The following SPATS2 variants were observed in gnomAD, a reference collection of about 807,000 sequenced individuals.
The protein encoded by SPATS2 is spermatogenesis associated serine rich 2.
A neutral mutation model predicts 63.7 loss-of-function variants in SPATS2; 38 were observed. The observed-to-expected ratio is 0.60, with a 90% CI of 0.46 to 0.78. The LOEUF is 0.78. SPATS2 is among the 30% of genes least tolerant of loss of function. The probability of loss-of-function intolerance (pLI) is 0.00; values close to 1 mark genes in which losing one functional copy is unlikely to be tolerated. For synonymous variants in SPATS2, 207 were observed against 232.9 expected, an observed-to-expected ratio of 0.89 and a Z score of 1.01; for missense variants, 588 against 666.2, an observed-to-expected ratio of 0.88 and a Z score of 1.29.
At chr12:49,463,744 A>C (rs1945862286) in intron 3 of SPATS2, 1 of 152,198 alleles carries the variant, frequency 6.6e-6, no homozygotes, top group Non-Finnish European at 1.5e-5. Flanking sequence ...CATTGTTCTT[A>C]GTGGTATTTC....
chr12:49,435,168 C>G (rs939736127), intron 2 of SPATS2, among the ~76,000 whole-genome samples: 5 of 151,284 alleles, frequency 3.3e-5, no homozygotes, highest in Non-Finnish European at 7.4e-5. Context: ...GTAGCTGGGA[C>G]TACAGGCGCC....
intron 2 of SPATS2, among the ~76,000 whole-genome samples, chr12:49,410,760 C>G (rs11169002): frequency 6.6e-6 from 1 of 151,920 alleles, no homozygotes; most frequent in South Asian, 2.1e-4. Flanking sequence ...ACACCCATAT[C>G]TCTTTGATGT....
intron 2 of SPATS2, among the ~76,000 whole-genome samples, chr12:49,451,313 T>A (rs1014423525): frequency 6.6e-6 from 1 of 152,200 alleles, no homozygotes; most frequent in Non-Finnish European, 1.5e-5. Context: ...TTTTCAGTTG[T>A]TTTCTTAGTA....
chr12:49,451,873 G>A (rs150133089), intron 2 of SPATS2, among the ~76,000 whole-genome samples: 64 of 152,302 alleles, frequency 4.2e-4, no homozygotes, highest in African/African-American at 1.5e-3. Context: ...AGATAGCTTT[G>A]CTAGATATCA....
intron 2 of SPATS2, among the ~76,000 whole-genome samples, chr12:49,421,158 G>A (rs1277480904): frequency 2.6e-5 from 4 of 152,064 alleles, no homozygotes; most frequent in Non-Finnish European, 5.9e-5. Flanking sequence ...GGTGGCTAAC[G>A]CCTATAATCC....
intron 2 of SPATS2, among the ~76,000 whole-genome samples, chr12:49,410,285 A>G (rs1341494616): frequency 7.9e-5 from 12 of 152,088 alleles, no homozygotes; most frequent in Admixed American, 7.2e-4. Flanking sequence ...CATGTTGGCC[A>G]TGCTGGTCTC....
intron 9 of SPATS2, among the ~76,000 whole-genome samples, chr12:49,514,187 A>ATG (rs1946801678): frequency 6.6e-6 from 1 of 151,764 alleles, no homozygotes; most frequent in Non-Finnish European, 1.5e-5. Flanking sequence ...GAGTACATAC[A>ATG]TGGTTAAGTA....
rs117294970 is a variant in SPATS2, at chr12:49,418,864, G to C, written c.-243-41906G>C. ...GAGAAGAATCAGAAAACAAAGTTTTGAAATGAGTTACATTATAGGAAGGCA... is the reference window on the plus strand; with the variant it reads ...GAGAAGAATCAGAAAACAAAGTTTTCAAATGAGTTACATTATAGGAAGGCA... On this transcript the variant is annotated intron_variant, in intron 2 of 13. Coordinates refer to ENST00000552918, the MANE Select transcript of SPATS2 (RefSeq NM_023071.4). 9.6e-4 allele frequency among the ~76,000 whole-genome samples: 146 copies of C among 152,318 alleles called. 1 individual carries two copies. In the East Asian group the frequency reaches 0.016, roughly 16 times the overall value.
intron 2 of SPATS2, among the ~76,000 whole-genome samples, chr12:49,398,768 A>G (rs192829399): frequency 2.4e-3 from 369 of 152,276 alleles, no homozygotes; most frequent in African/African-American, 8.5e-3. Flanking sequence ...ACCAACCCCC[A>G]TGTTTTCCAG....
At chr12:49,509,833 GA>G (rs990291211) in intron 9 of SPATS2, among the ~76,000 whole-genome samples, 57 of 150,668 alleles carry the variant, frequency 3.8e-4, no homozygotes, top group African/African-American at 1.3e-3. Flanking sequence ...AAAAGGGAAG[GA>G]AAAAAACTAT....
intron 2 of SPATS2, among the ~76,000 whole-genome samples, chr12:49,379,692 C>T (rs796903761): frequency 6.8e-5 from 10 of 147,076 alleles, no homozygotes; most frequent in South Asian, 2.2e-4. Context: ...GCATGATCTC[C>T]GCTCACTGCA....
rs1368403951 is a variant in SPATS2, at chr12:49,516,155, AAAAAAAAAAAAATATAT to A, written c.898+1544_898+1560del. 5.7e-4 allele frequency among the ~76,000 whole-genome samples: 26 copies of A among 45,878 alleles called. 2 individuals are homozygous for A. In the South Asian group the frequency reaches 7.4e-3, roughly 13 times the overall value. The allele number at this position is 45,878 out of a possible 152,430, so 30.1% of individuals were successfully genotyped here. The stretch of plus-strand genomic sequence containing the variant: ...CTCCATCTCAAAAAAAAAAAAAAAA[AAAAAAAAAAAAATATAT>A]ATATATATATATATATATATATATA... On this transcript the variant is annotated intron_variant, in intron 10 of 13. Coordinates refer to ENST00000552918, the MANE Select transcript of SPATS2 (RefSeq NM_023071.4).
At chr12:49,399,101 C>T (rs532038141) in intron 2 of SPATS2, among the ~76,000 whole-genome samples, 1 of 152,216 alleles carries the variant, frequency 6.6e-6, no homozygotes, top group South Asian at 2.1e-4. Context: ...CCCCCATGTC[C>T]ACATACGTTT....
chr12:49,435,472 C>T (rs1945259937), intron 2 of SPATS2, among the ~76,000 whole-genome samples: 1 of 151,710 alleles, frequency 6.6e-6, no homozygotes, highest in South Asian at 2.1e-4. Flanking sequence ...ACTACATGCA[C>T]ACGCCAGTGC....
At chr12:49,383,582 T>C (rs900773923) in intron 2 of SPATS2, among the ~76,000 whole-genome samples, 2 of 151,672 alleles carry the variant, frequency 1.3e-5, no homozygotes, top group Non-Finnish European at 2.9e-5. Flanking sequence ...TAAATTTTTT[T>C]GTAAAGTCGA....
intron 2 of SPATS2, among the ~76,000 whole-genome samples, chr12:49,383,402 G>C (rs539754008): frequency 6.6e-6 from 1 of 151,512 alleles, no homozygotes; most frequent in South Asian, 2.1e-4. Flanking sequence ...TTTTATGTCA[G>C]ATCCTCTTTA....
At chr12:49,500,719 C>T (rs1946551795) in intron 9 of SPATS2, among the ~76,000 whole-genome samples, 1 of 151,770 alleles carries the variant, frequency 6.6e-6, no homozygotes, top group African/African-American at 2.4e-5. Context: ...TTGCAGTGAG[C>T]CAAGATCTCG....
chr12:49,434,986 A>G (rs886233455), intron 2 of SPATS2, among the ~76,000 whole-genome samples: 5 of 146,810 alleles, frequency 3.4e-5, no homozygotes, highest in Non-Finnish European at 7.5e-5. Flanking sequence ...TATTACATAC[A>G]TTTGTTCCCA....
At chr12:49,394,743 GT>G (rs958295370) in intron 2 of SPATS2, among the ~76,000 whole-genome samples, 8 of 152,032 alleles carry the variant, frequency 5.3e-5, no homozygotes, top group African/African-American at 1.7e-4. Flanking sequence ...TTATCAGATA[GT>G]TTTTTCACAG....
Sources: gnomAD v4.1 joint callset for allele counts (sites outside exome capture counted in the v4.1 genomes callset) on GRCh38, gnomAD v4.1.1 for gene constraint, MANE v1.5 for transcripts, NCBI Gene and HGNC (gene_info 2026-07-23, HGNC 2026-07-21) for gene names.